Variants in MAN1A1 observed in about 807,000 individuals in gnomAD.
MAN1A1 encodes the protein mannosyl-oligosaccharide 1,2-alpha-mannosidase IA.
A neutral mutation model predicts 70.8 loss-of-function variants in MAN1A1; 29 were observed. The ratio of observed to expected loss-of-function variants is 0.41; its 90% CI spans 0.31 to 0.56. The LOEUF is 0.56. MAN1A1 is among the 20% of genes least tolerant of loss of function. The probability of loss-of-function intolerance (pLI) is 0.29; values close to 1 mark genes in which losing one functional copy is unlikely to be tolerated. For synonymous variants in MAN1A1, 349 were observed against 330.1 expected, an observed-to-expected ratio of 1.06 and a Z score of -0.62; for missense variants, 747 against 841.3, an observed-to-expected ratio of 0.89 and a Z score of 1.39.
At position 119,189,736 on chromosome 6, in the gene MAN1A1, C is replaced by T. The variant is rs1562183820; in HGVS notation, c.1474G>A (p.Gly492Ser). The T allele has an allele frequency of 6.2e-7, 1 of 1,614,110 alleles. No individual in the cohort carries two copies. The highest frequency in any genetic ancestry group is 8.5e-7 in the Non-Finnish European group (1 of 1,180,020). Residue 492 changes from glycine (G) to serine (S), a missense_variant, in exon 10 of 13, where the codon GGC (glycine) becomes AGC (serine). Transcript: ENST00000368468. Reference protein sequence around the residue: ...FALGADAAPEGMAQHYLELGA... With the variant: ...FALGADAAPESMAQHYLELGA... Reference sequence around the variant, plus strand: ...AGTTCAAGGTAGTGTTGGGCCATGCCTTCGGGAGCTGCATCAGCCCCGAGT... The same window carrying T: ...AGTTCAAGGTAGTGTTGGGCCATGCTTTCGGGAGCTGCATCAGCCCCGAGT...
At chr6:119,332,202 A>T (rs1223082970) in intron 2 of MAN1A1, among the ~76,000 whole-genome samples, 2 of 152,186 alleles carry the variant, frequency 1.3e-5, no homozygotes, top group Non-Finnish European at 2.9e-5. Flanking sequence ...CTGCAGATAA[A>T]GGAGACAAAA....
rs1024088906 is a variant in MAN1A1, at chr6:119,290,584, T to A, written c.897+99A>T. 1.8e-5 allele frequency: 14 copies of A among 768,432 alleles called. No homozygotes were observed. In the African/African-American group the frequency reaches 2.5e-4, roughly 14 times the overall value. 47.6% of individuals were successfully genotyped at this position (768,432 alleles called of 1,614,324 possible). ...GCTTCATTGAAATATAAAAATTCCA[T>A]AGATTCCTTCTAAATATATGTCACG... On this transcript the variant is annotated intron_variant, in intron 5 of 12. Coordinates refer to ENST00000368468, the MANE Select transcript of MAN1A1 (RefSeq NM_005907.4).
intron 2 of MAN1A1, among the ~76,000 whole-genome samples, chr6:119,308,868 T>C (rs1772604133): frequency 6.6e-6 from 1 of 152,170 alleles, no homozygotes; most frequent in South Asian, 2.1e-4. Flanking sequence ...AAAAAAAAGT[T>C]ACGATAATTT....
At chr6:119,220,151 C>T (rs1774319374) in intron 6 of MAN1A1, among the ~76,000 whole-genome samples, 1 of 152,092 alleles carries the variant, frequency 6.6e-6, no homozygotes. Flanking sequence ...AATCTTTCTT[C>T]TGCCAAAACT....
chr6:119,287,950 C>T (rs972268314), intron 5 of MAN1A1, among the ~76,000 whole-genome samples: 1 of 151,946 alleles, frequency 6.6e-6, no homozygotes, highest in African/African-American at 2.4e-5. Flanking sequence ...TTTGAAAATA[C>T]TGATGCTTGA....
intron 6 of MAN1A1, among the ~76,000 whole-genome samples, chr6:119,212,416 A>C (rs1039612803): frequency 6.6e-6 from 1 of 152,212 alleles, no homozygotes; most frequent in Non-Finnish European, 1.5e-5. Flanking sequence ...GTTAAAAAGT[A>C]AGCACTTCGG....
intron 5 of MAN1A1, among the ~76,000 whole-genome samples, chr6:119,267,910 T>C (rs911680464): frequency 6.6e-6 from 1 of 152,216 alleles, no homozygotes; most frequent in African/African-American, 2.4e-5. Flanking sequence ...GGGAGACTTA[T>C]TCTATGGGTT....
intron 5 of MAN1A1, among the ~76,000 whole-genome samples, chr6:119,260,658 G>C (rs560725513): frequency 1.6e-4 from 24 of 152,106 alleles, no homozygotes; most frequent in African/African-American, 4.1e-4. Context: ...TTTTCATTTA[G>C]AGGCTTTAAC....
chr6:119,334,241 T>C (rs992985678), intron 2 of MAN1A1, among the ~76,000 whole-genome samples: 1 of 152,168 alleles, frequency 6.6e-6, no homozygotes, highest in African/African-American at 2.4e-5. Context: ...GATTGAAAAA[T>C]ATAGACCTAG....
intron 2 of MAN1A1, among the ~76,000 whole-genome samples, chr6:119,312,211 C>T (rs918740951): frequency 3.3e-5 from 5 of 152,090 alleles, no homozygotes; most frequent in South Asian, 2.1e-4. Context: ...AAGTGATGTG[C>T]CATTTCTCTT....
intron 6 of MAN1A1, among the ~76,000 whole-genome samples, chr6:119,214,351 CA>C (rs1774138266): frequency 1.3e-5 from 2 of 152,036 alleles, no homozygotes; most frequent in Non-Finnish European, 2.9e-5. Context: ...ATGATACTAA[CA>C]TTAAAAAATG....
chr6:119,232,677 A>ATGTG (rs1458862339), intron 6 of MAN1A1, among the ~76,000 whole-genome samples: 1 of 120,238 alleles, frequency 8.3e-6, no homozygotes, highest in Non-Finnish European at 1.8e-5. Flanking sequence ...ATACACATAT[A>ATGTG]TATGTGTGTG....
rs906208910 is a variant in MAN1A1, at chr6:119,179,635, G to C, written c.*184C>G. ...TGGATACACTGGCTGAATTAATAAA[G>C]GATATGATAAGGAATTTAGGTCCAC... On this transcript the variant is annotated 3_prime_UTR_variant, in exon 13 of 13. Coordinates refer to ENST00000368468, the MANE Select transcript of MAN1A1 (RefSeq NM_005907.4). 1.1e-4 allele frequency: 47 copies of C among 427,802 alleles called. No individual in the cohort carries two copies. Among genetic ancestry groups the C allele is most frequent in the Non-Finnish European group, 1.9e-4 (44 of 237,822 alleles). The allele number at this position is 427,802 out of a possible 1,614,324, so 26.5% of individuals were successfully genotyped here.
chr6:119,336,319 C>T (rs767614918), intron 2 of MAN1A1, among the ~76,000 whole-genome samples: 3 of 152,144 alleles, frequency 2.0e-5, no homozygotes, highest in Admixed American at 1.3e-4. Flanking sequence ...ATCCTCCCTT[C>T]GGCCTCCCAA....
At chr6:119,344,303 G>C (rs1012432596) in intron 2 of MAN1A1, among the ~76,000 whole-genome samples, 5 of 152,188 alleles carry the variant, frequency 3.3e-5, no homozygotes, top group Admixed American at 3.3e-4. Context: ...ACAGCTTACA[G>C]AAAATGAAGC....
At chr6:119,211,341 G>A (rs1774044969) in intron 6 of MAN1A1, among the ~76,000 whole-genome samples, 1 of 152,158 alleles carries the variant, frequency 6.6e-6, no homozygotes, top group Admixed American at 6.5e-5. Flanking sequence ...GTCTCTTACT[G>A]TAGCCAGTGT....
At chr6:119,230,797 T>C (rs1409204963) in intron 6 of MAN1A1, among the ~76,000 whole-genome samples, 2 of 152,192 alleles carry the variant, frequency 1.3e-5, no homozygotes, top group African/African-American at 4.8e-5. Context: ...AACATATTAC[T>C]TTTTAATTCT....
At chr6:119,260,976 G>GCTCTTTTTT (rs1554209499) in intron 5 of MAN1A1, among the ~76,000 whole-genome samples, 1 of 116,942 alleles carries the variant, frequency 8.6e-6, no homozygotes, top group Non-Finnish European at 1.7e-5. Flanking sequence ...TTTTTTTATT[G>GCTCTTTTTT]TTTTTTTTTT....
At chr6:119,327,388 TTTG>T (rs1193305732) in intron 2 of MAN1A1, 3,621 of 70,608 alleles carry the variant, frequency 0.051, 208 homozygotes, top group African/African-American at 0.073. Context: ...GTTTTTTTTT[TTTG>T]TTTTTTTTTT....
Sources: gnomAD v4.1 joint callset for allele counts (sites outside exome capture counted in the v4.1 genomes callset) on GRCh38, gnomAD v4.1.1 for gene constraint, MANE v1.5 for transcripts, NCBI Gene and HGNC (gene_info 2026-07-23, HGNC 2026-07-21) for gene names.